The following CSMD1 variants were observed in gnomAD, a reference collection of about 807,000 sequenced individuals.
CSMD1 encodes CUB and Sushi multiple domains 1.
Under a neutral mutation model 417.5 loss-of-function variants are expected in CSMD1, and 213 were observed. The observed-to-expected ratio is 0.51, with a 90% CI of 0.46 to 0.57. The LOEUF is 0.57. Among genes scored for constraint, CSMD1 ranks in the 20% least tolerant of loss-of-function variants. The pLI is 0.00. For synonymous variants in CSMD1, 2,862 were observed against 1,736.8 expected (o/e 1.65, Z -16.11); for missense variants, 6,923 against 4,529.7 (o/e 1.53, Z -15.17).
chr8:4,704,316 G>T (rs193025707), intron 1 of CSMD1, among the ~76,000 whole-genome samples: 1 of 152,206 alleles, frequency 6.6e-6, no homozygotes, highest in Non-Finnish European at 1.5e-5. Context: ...AGCATTGAGT[G>T]TCTTACTGTA....
At chr8:4,087,341 C>G (rs1033992304) in intron 3 of CSMD1, among the ~76,000 whole-genome samples, 1 of 152,194 alleles carries the variant, frequency 6.6e-6, no homozygotes, top group Non-Finnish European at 1.5e-5. Context: ...CCCAGGGAAC[C>G]ACTTGCAAGT....
intron 5 of CSMD1, among the ~76,000 whole-genome samples, chr8:3,913,868 T>C (rs1475337692): frequency 6.6e-6 from 1 of 151,878 alleles, no homozygotes; most frequent in Non-Finnish European, 1.5e-5. Context: ...TGTGTATATA[T>C]AATTTATGAT....
At chr8:4,059,624 C>T (rs943572843) in intron 3 of CSMD1, among the ~76,000 whole-genome samples, 4 of 151,992 alleles carry the variant, frequency 2.6e-5, no homozygotes, top group African/African-American at 9.7e-5. Context: ...ACCACCGATC[C>T]CACAGAAATA....
At chr8:3,231,032 T>C (rs1379070507) in intron 26 of CSMD1, among the ~76,000 whole-genome samples, 1 of 152,084 alleles carries the variant, frequency 6.6e-6, no homozygotes, top group Non-Finnish European at 1.5e-5. Context: ...TCACCTCCCA[T>C]ATGCAGCCAT....
chr8:3,108,647 T>C lies in CSMD1; in HGVS notation c.6710A>G (p.His2237Arg). The C allele has an allele frequency of 1.2e-6, 2 of 1,613,808 alleles. No individual in the cohort carries two copies. The highest frequency in any genetic ancestry group is 1.7e-6 in the Non-Finnish European group (2 of 1,179,828). Residue 2237 changes from histidine to arginine, a missense_variant, in exon 44 of 70, where the codon CAC becomes CGC. Coordinates refer to ENST00000635120, the MANE Select transcript of CSMD1 (RefSeq NM_033225.6). ...SSTNQVLLKF[H>R]SDFSNGGFFV... ...GAAGCCTCCATTTGAAAAGTCGCTG[T>C]GGAACTTGAGCAGGACTTGGTTGGT...
intron 10 of CSMD1, among the ~76,000 whole-genome samples, chr8:3,550,166 T>A (rs1377424977): frequency 1.3e-5 from 2 of 152,302 alleles, no homozygotes; most frequent in South Asian, 4.1e-4. Flanking sequence ...GAGCCATGCT[T>A]CACCTTTTGA....
intron 1 of CSMD1, among the ~76,000 whole-genome samples, chr8:4,864,493 T>C (rs1354161574): frequency 6.6e-6 from 1 of 151,836 alleles, no homozygotes; most frequent in African/African-American, 2.4e-5. Context: ...CCTATAACAT[T>C]GTTTGATTTC....
At chr8:3,914,385 G>A (rs1452476012) in intron 5 of CSMD1, among the ~76,000 whole-genome samples, 2 of 151,872 alleles carry the variant, frequency 1.3e-5, no homozygotes, top group African/African-American at 4.8e-5. Flanking sequence ...AAACATACGG[G>A]TACAGATAAA....
At chr8:4,313,009 G>C (rs774478952) in intron 3 of CSMD1, among the ~76,000 whole-genome samples, 1 of 152,160 alleles carries the variant, frequency 6.6e-6, no homozygotes, top group Non-Finnish European at 1.5e-5. Flanking sequence ...TGGGGAGGTA[G>C]AATTTAGAGA....
chr8:3,336,411 A>G (rs750678004), intron 23 of CSMD1, among the ~76,000 whole-genome samples: 2 of 152,202 alleles, frequency 1.3e-5, no homozygotes. Flanking sequence ...GAAGAAAAAC[A>G]TACTTAAATT....
At chr8:4,567,914 A>G (rs771259596) in intron 2 of CSMD1, among the ~76,000 whole-genome samples, 5 of 152,200 alleles carry the variant, frequency 3.3e-5, no homozygotes, top group African/African-American at 1.2e-4. Flanking sequence ...CACTTAATCA[A>G]TGACCTGAAA....
chr8:3,795,118 AT>A (rs1799980398), intron 5 of CSMD1, among the ~76,000 whole-genome samples: 1 of 102,702 alleles, frequency 9.7e-6, no homozygotes, highest in African/African-American at 3.5e-5. Context: ...AGCTATAGAT[AT>A]CTATCATGTA....
intron 1 of CSMD1, among the ~76,000 whole-genome samples, chr8:4,691,516 C>A (rs905936020): frequency 1.3e-5 from 2 of 152,160 alleles, no homozygotes; most frequent in African/African-American, 4.8e-5. Flanking sequence ...CGCTTCTGAC[C>A]TTATGTCCCA....
intron 2 of CSMD1, among the ~76,000 whole-genome samples, chr8:4,464,345 A>G (rs925605686): frequency 2.6e-5 from 4 of 152,172 alleles, no homozygotes; most frequent in Non-Finnish European, 5.9e-5. Flanking sequence ...TTCTAATAAA[A>G]ACATTGTAAG....
chr8:4,381,202 G>A (rs563528350), intron 3 of CSMD1, among the ~76,000 whole-genome samples: 1 of 152,278 alleles, frequency 6.6e-6, no homozygotes, highest in South Asian at 2.1e-4. Flanking sequence ...GATAAAATTT[G>A]CTGCACGGAT....
chr8:4,192,730 G>C (rs143562180), intron 3 of CSMD1, among the ~76,000 whole-genome samples: 38 of 152,284 alleles, frequency 2.5e-4, no homozygotes, highest in African/African-American at 8.7e-4. Context: ...AATTGTCTAT[G>C]TATTTGCACT....
chr8:3,765,840 C>T (rs1798236338), intron 5 of CSMD1, among the ~76,000 whole-genome samples: 1 of 152,124 alleles, frequency 6.6e-6, no homozygotes, highest in Non-Finnish European at 1.5e-5. Context: ...ACACCTTCAC[C>T]ATTGAGGAAG....
At chr8:4,532,126 G>C (rs569693891) in intron 2 of CSMD1, among the ~76,000 whole-genome samples, 1 of 125,330 alleles carries the variant, frequency 8.0e-6, no homozygotes, top group Non-Finnish European at 1.6e-5. Flanking sequence ...AGTCACTCCG[G>C]AAGAGAAATC....
rs544665549 is a variant in CSMD1, at chr8:3,786,920, T to A, written c.819-32878A>T. Among the ~76,000 whole-genome samples, 25 of 152,274 alleles carry A rather than the reference T, an allele frequency of 1.6e-4. No homozygotes were observed. The South Asian group carries it at 5.2e-3, about 32-fold the overall frequency. On this transcript the variant is annotated intron_variant, in intron 5 of 69. Transcript: ENST00000635120. ...CCTCCTAATACTAGCACCTTTAGGATGAGGATTTCAACCCAGGAATTTGGA... is the reference window on the plus strand; with the variant it reads ...CCTCCTAATACTAGCACCTTTAGGAAGAGGATTTCAACCCAGGAATTTGGA...
Sources: gnomAD v4.1 joint callset for allele counts (sites outside exome capture counted in the v4.1 genomes callset) on GRCh38, gnomAD v4.1.1 for gene constraint, MANE v1.5 for transcripts, NCBI Gene and HGNC (gene_info 2026-07-23, HGNC 2026-07-21) for gene names.